The following MARCHF10 variants were observed in gnomAD, a reference collection of about 807,000 sequenced individuals.
The protein encoded by MARCHF10 is membrane associated ring-CH-type finger 10, also known as probable E3 ubiquitin-protein ligase MARCHF10.
MARCHF10 carries 64 observed loss-of-function variants against 76.2 expected under a neutral mutation model. The observed-to-expected ratio is 0.84, with a 90% CI of 0.69 to 1.03. The LOEUF (loss-of-function observed/expected upper bound fraction) is 1.03. Ranked by LOEUF, MARCHF10 falls within the 50% of genes least tolerant of loss-of-function variation. MARCHF10 has a pLI of 0.00. For synonymous variants in MARCHF10, 340 were observed against 357.5 expected (o/e 0.95, Z 0.55); for missense variants, 875 against 958.0 (o/e 0.91, Z 1.14).
chr17:62,728,533 G>A (rs368691086), intron 6 of MARCHF10, among the ~76,000 whole-genome samples: 5 of 152,238 alleles, frequency 3.3e-5, no homozygotes, highest in South Asian at 4.2e-4. Flanking sequence ...TGAATGAGAG[G>A]GGACAAGGAA....
At chr17:62,701,792 C>A (rs1245847526) in intron 10 of MARCHF10, 34 bp from the exon 11 acceptor site, 2 of 1,613,434 alleles carry the variant, frequency 1.2e-6, no homozygotes, top group Admixed American at 3.3e-5. Context: ...GGCTGGAGGG[C>A]CGCAGCAGAC....
chr17:62,707,049 C>T (rs190422253), intron 9 of MARCHF10, among the ~76,000 whole-genome samples: 110 of 152,332 alleles, frequency 7.2e-4, no homozygotes, highest in African/African-American at 2.6e-3. Context: ...GCCTGTCCCT[C>T]ACCCCAGACC....
At position 62,736,639 on chromosome 17, in the gene MARCHF10, C is replaced by G; in HGVS notation, c.1229G>C (p.Arg410Thr). 1 of 1,614,202 alleles carries G rather than the reference C, an allele frequency of 6.2e-7. No homozygotes were observed. Among genetic ancestry groups the G allele is most frequent in the Non-Finnish European group, 8.5e-7 (1 of 1,180,034 alleles). ...PLSWDTKSEPRQEVGVNAENV... is the reference protein window; with the variant it reads ...PLSWDTKSEPTQEVGVNAENV... ...TTCAGCATTGACACCAACCTCTTGTCTGGGCTCGGATTTGGTGTCCCACGA... is the reference window on the plus strand; with the variant it reads ...TTCAGCATTGACACCAACCTCTTGTGTGGGCTCGGATTTGGTGTCCCACGA... Residue 410 changes from arginine (R) to threonine (T), a missense_variant, in exon 6 of 11, where the codon AGA (arginine) becomes ACA (threonine). Physicochemically the swap from Arg to Thr is moderately conservative, Grantham distance 71 (BLOSUM62 -1). Transcript: ENST00000311269.
chr17:62,736,700 T>C lies in MARCHF10; in HGVS notation c.1168A>G (p.Arg390Gly). The stretch of plus-strand genomic sequence containing the variant: ...TTTTTCGCATTTTCACTGCCACCTC[T>C]GTCCTTCTCTGTAGCAGATTCCCTA... ...PDRESATEKD[R>G]GGSENAKKSP... Residue 390 changes from arginine (R) to glycine (G), a missense_variant, in exon 6 of 11, where the codon AGA becomes GGA. Coordinates refer to ENST00000311269, the MANE Select transcript of MARCHF10 (RefSeq NM_152598.4). 1.2e-6 allele frequency: 2 copies of C among 1,614,196 alleles called. No homozygotes were observed. The highest frequency in any genetic ancestry group is 1.7e-6 in the Non-Finnish European group (2 of 1,180,022).
At chr17:62,714,012 T>C (rs1475291516) in intron 8 of MARCHF10, among the ~76,000 whole-genome samples, 1 of 152,234 alleles carries the variant, frequency 6.6e-6, no homozygotes, top group African/African-American at 2.4e-5. Context: ...CCTGGCTGAA[T>C]GTTCTATCAA....
intron 1 of MARCHF10, among the ~76,000 whole-genome samples, chr17:62,804,341 CTG>C (rs2093128636): frequency 6.6e-6 from 1 of 151,996 alleles, no homozygotes; most frequent in South Asian, 2.1e-4. Flanking sequence ...TCTGTGATAA[CTG>C]AAGTTGAAGG....
At position 62,801,395 on chromosome 17, in the gene MARCHF10, C is replaced by T. The variant is rs111244465; in HGVS notation, c.90+251G>A. ...GTCTCGATCTCCTGACCTCATGATC[C>T]GCCCGCCTCGGCCTCCCAAAGTGCT... On this transcript the variant is annotated intron_variant, in intron 2 of 10. Transcript: ENST00000311269. Among the ~76,000 whole-genome samples, 1,209 of 151,270 alleles carry T rather than the reference C, an allele frequency of 8.0e-3. 16 individuals are homozygous for T. Among genetic ancestry groups the T allele is most frequent in the African/African-American group, 0.028 (1,145 of 41,254 alleles).
chr17:62,803,056 C>T (rs182273129), intron 1 of MARCHF10, among the ~76,000 whole-genome samples: 3 of 152,298 alleles, frequency 2.0e-5, no homozygotes, highest in African/African-American at 7.2e-5. Flanking sequence ...TCACGCCTCC[C>T]GAGGTGAATC....
chr17:62,705,914 G>T (rs1241044492), intron 9 of MARCHF10, among the ~76,000 whole-genome samples: 1 of 152,338 alleles, frequency 6.6e-6, no homozygotes, highest in South Asian at 2.1e-4. Flanking sequence ...GGCTGTGGGG[G>T]TGAAGGCCGT....
At chr17:62,750,453 TG>T (rs2147896529) in intron 4 of MARCHF10, 1 of 153,560 alleles carries the variant, frequency 6.5e-6, no homozygotes, top group South Asian at 2.1e-4. Context: ...TAATTGGTAT[TG>T]GGCTGCAGGA....
chr17:62,758,952 A>G lies in MARCHF10; in HGVS notation c.382+883T>C, dbSNP rs17684360. Among the ~76,000 whole-genome samples the G allele has an allele frequency of 7.4e-3, 1,129 of 152,306 alleles. 6 individuals are homozygous for G. The highest frequency in any genetic ancestry group is 0.02 in the Middle Eastern group (6 of 294). On this transcript the variant is annotated intron_variant, in intron 4 of 10. Transcript: ENST00000311269. ...TGGAGATGAGCCCGAGAGACATTAA[A>G]GTTTCAGTGAATTTTATCCCCTTTC...
At chr17:62,768,870 T>G (rs1275787900) in intron 3 of MARCHF10, among the ~76,000 whole-genome samples, 1 of 152,216 alleles carries the variant, frequency 6.6e-6, no homozygotes, top group Non-Finnish European at 1.5e-5. Context: ...CAGAGCAGAT[T>G]CCAACCCAAT....
Position 62,724,982 on chromosome 17 carries a change from T to C in MARCHF10, c.2060A>G (p.His687Arg). ...CGCVGSLQFV[H>R]QECLKKWLKV... is the part of the protein sequence containing the mutation. ...CAGCCACTTTTTCAGGCACTCTTGATGAACAAACTGCAGGCTTCCCACACA... is the reference window on the plus strand; with the variant it reads ...CAGCCACTTTTTCAGGCACTCTTGACGAACAAACTGCAGGCTTCCCACACA... The change falls in exon 7 of 11, where the codon CAT becomes CGT. Residue 687 changes from histidine (H) to arginine (R), a missense_variant. By Grantham distance (29) the His-to-Arg change is conservative. Transcript: ENST00000311269. The C allele has an allele frequency of 6.2e-7, 1 of 1,612,228 alleles. No homozygotes were observed. The highest frequency in any genetic ancestry group is 2.2e-5 in the East Asian group (1 of 44,768).
intron 1 of MARCHF10, among the ~76,000 whole-genome samples, chr17:62,802,672 G>A (rs2093095381): frequency 6.6e-6 from 1 of 152,196 alleles, no homozygotes; most frequent in Non-Finnish European, 1.5e-5. Context: ...GTTTTCCTTA[G>A]GCAATGACAC....
chr17:62,779,739 A>G (rs2092622189), intron 3 of MARCHF10, among the ~76,000 whole-genome samples: 1 of 152,164 alleles, frequency 6.6e-6, no homozygotes, highest in Non-Finnish European at 1.5e-5. Flanking sequence ...TATAATCTGG[A>G]GCTGTGCTGT....
chr17:62,703,100 G>T (rs1474594815), intron 10 of MARCHF10, among the ~76,000 whole-genome samples: 1 of 152,200 alleles, frequency 6.6e-6, no homozygotes, highest in Non-Finnish European at 1.5e-5. Context: ...CTCCCCAGCT[G>T]CCCTAACCTC....
At chr17:62,734,193 A>C (rs543687095) in intron 6 of MARCHF10, among the ~76,000 whole-genome samples, 4 of 152,292 alleles carry the variant, frequency 2.6e-5, no homozygotes, top group Admixed American at 1.3e-4. Context: ...AGAAAAAAAA[A>C]CAAAAAACAT....
At chr17:62,705,773 G>A (rs1002803291) in intron 9 of MARCHF10, among the ~76,000 whole-genome samples, 192 bp from the exon 10 acceptor site, 1 of 152,190 alleles carries the variant, frequency 6.6e-6, no homozygotes, top group Non-Finnish European at 1.5e-5. Flanking sequence ...CCTGACGAGA[G>A]CTGCAGCCAT....
intron 3 of MARCHF10, among the ~76,000 whole-genome samples, chr17:62,774,602 C>A (rs559944568): frequency 3.0e-4 from 45 of 152,192 alleles, no homozygotes; most frequent in Non-Finnish European, 6.2e-4. Context: ...GCATTTCCTG[C>A]GCTGCAGGGA....
Sources: gnomAD v4.1 joint callset for allele counts (sites outside exome capture counted in the v4.1 genomes callset) on GRCh38, gnomAD v4.1.1 for gene constraint, MANE v1.5 for transcripts, NCBI Gene and HGNC (gene_info 2026-07-23, HGNC 2026-07-21) for gene names.